Variants in PON3 observed in about 807,000 individuals in gnomAD.
PON3 encodes serum paraoxonase/lactonase 3.
PON3 carries 37 observed loss-of-function variants against 36.3 expected under a neutral mutation model. The ratio of observed to expected loss-of-function variants is 1.02; its 90% CI spans 0.78 to 1.34. The LOEUF (loss-of-function observed/expected upper bound fraction) is 1.34, where lower values mean the gene tolerates loss of function less well. Ranked by LOEUF, PON3 falls within the 40% of genes most tolerant of loss-of-function variation. PON3 has a pLI of 0.00. For synonymous variants in PON3, 155 were observed against 154.8 expected (o/e 1.00, Z -0.01); for missense variants, 415 against 426.5 (o/e 0.97, Z 0.24).
chr7:95,360,860 AT>A (rs1271530405), intron 8 of PON3, among the ~76,000 whole-genome samples: 2 of 152,004 alleles, frequency 1.3e-5, no homozygotes, highest in Non-Finnish European at 2.9e-5. Flanking sequence ...TCTTTTTTTT[AT>A]CTTAAGGGAG....
chr7:95,382,270 A>G (rs1185051167), intron 3 of PON3, among the ~76,000 whole-genome samples: 1 of 152,240 alleles, frequency 6.6e-6, no homozygotes, highest in South Asian at 2.1e-4. Flanking sequence ...AAAATCGACA[A>G]CCTAACATCA....
chr7:95,373,308 G>A lies in PON3; in HGVS notation c.202-970C>T, dbSNP rs60045377. ...ACATACACTTATGATACTATTACTGGCTCTTCCACTGCTCCCTCTTGAGGT... is the reference window on the plus strand; with the variant it reads ...ACATACACTTATGATACTATTACTGACTCTTCCACTGCTCCCTCTTGAGGT... On this transcript the variant is annotated intron_variant, in intron 3 of 8. Coordinates refer to ENST00000265627, the MANE Select transcript of PON3 (RefSeq NM_000940.3). Among the ~76,000 whole-genome samples the A allele has an allele frequency of 5.9e-3, 900 of 151,962 alleles. 5 individuals carry two copies. The highest frequency in any genetic ancestry group is 0.02 in the African/African-American group (841 of 41,416).
intron 3 of PON3, among the ~76,000 whole-genome samples, chr7:95,376,649 A>G (rs367749876): frequency 4.9e-4 from 75 of 152,320 alleles, no homozygotes; most frequent in African/African-American, 1.7e-3. Context: ...AAATTAAAAA[A>G]AAAAAAGAAA....
At chr7:95,370,866 T>A (rs17883078) in intron 4 of PON3, among the ~76,000 whole-genome samples, 1 of 152,378 alleles carries the variant, frequency 6.6e-6, no homozygotes, top group Non-Finnish European at 1.5e-5. Flanking sequence ...GGTTTTAGTA[T>A]ATTCACAGAA....
At chr7:95,386,992 A>G (rs1389297597) in intron 3 of PON3, among the ~76,000 whole-genome samples, 18 of 152,230 alleles carry the variant, frequency 1.2e-4, no homozygotes, top group Admixed American at 1.2e-3. Flanking sequence ...ATCTCAAAAT[A>G]ATAAGAGCTA....
At chr7:95,373,285 A>T (rs1226946798) in intron 3 of PON3, among the ~76,000 whole-genome samples, 1 of 152,076 alleles carries the variant, frequency 6.6e-6, no homozygotes, top group Non-Finnish European at 1.5e-5. Flanking sequence ...ACACGTACAC[A>T]TACACTTATG....
chr7:95,377,663 C>G (rs1808951049), intron 3 of PON3: 1 of 307,962 alleles, frequency 3.2e-6, no homozygotes, highest in African/African-American at 2.3e-5. Flanking sequence ...CAGCAAACTC[C>G]AACAGACCTG....
intron 2 of PON3, among the ~76,000 whole-genome samples, chr7:95,393,268 C>A (rs940922051): frequency 1.3e-5 from 2 of 152,128 alleles, no homozygotes; most frequent in African/African-American, 2.4e-5. Context: ...AGTTTACAAT[C>A]TGATAGTGAA....
At chr7:95,379,572 G>A (rs892964265) in intron 3 of PON3, among the ~76,000 whole-genome samples, 9 of 152,228 alleles carry the variant, frequency 5.9e-5, no homozygotes, top group East Asian at 1.9e-4. Flanking sequence ...TGCCTGGCTC[G>A]GAGGGTTCCA....
chr7:95,385,636 G>A (rs548486058), intron 3 of PON3, among the ~76,000 whole-genome samples: 5 of 152,112 alleles, frequency 3.3e-5, no homozygotes, highest in Admixed American at 6.6e-5. Context: ...GCACCACATC[G>A]CACTTATTCT....
intron 3 of PON3, among the ~76,000 whole-genome samples, chr7:95,376,716 T>C (rs1008181424): frequency 6.6e-6 from 1 of 152,088 alleles, no homozygotes; most frequent in African/African-American, 2.4e-5. Flanking sequence ...TTCCTAGTTA[T>C]AGAATCATCA....
intron 3 of PON3, among the ~76,000 whole-genome samples, chr7:95,386,134 A>G (rs540856311): frequency 6.6e-6 from 1 of 152,318 alleles, no homozygotes; most frequent in East Asian, 1.9e-4. Context: ...CTAAGATCAG[A>G]GCAGAACTGA....
At chr7:95,370,432 T>C (rs1309139000) in intron 4 of PON3, among the ~76,000 whole-genome samples, 4 of 151,510 alleles carry the variant, frequency 2.6e-5, no homozygotes, top group Non-Finnish European at 5.9e-5. Flanking sequence ...AGAGGAAGTG[T>C]CAAGGTTGGG....
intron 8 of PON3, among the ~76,000 whole-genome samples, chr7:95,360,633 T>C (rs73432772): frequency 0.028 from 4,253 of 152,274 alleles, 115 homozygotes; most frequent in African/African-American, 0.068. Context: ...GGAATTTCAT[T>C]TGACACATCA....
In PON3 at chr7:95,372,213, T is replaced by A. The variant is rs747652759; in HGVS notation, c.327A>T (p.Glu109Asp). ...ALEISGGFDK[E>D]LFNPHGISIF... ...TACTGATCCCATGTGGATTAAATAA[T>A]TCTTTGTCAAATCCACCACTGATTT... Residue 109 changes from glutamate (E) to aspartate (D), a missense_variant, in exon 4 of 9, where the codon GAA (glutamate) becomes GAT (aspartate). By Grantham distance (45) the Glu-to-Asp change is conservative. Coordinates refer to ENST00000265627, the MANE Select transcript of PON3 (RefSeq NM_000940.3). 1.2e-6 allele frequency: 2 copies of A among 1,613,832 alleles called. No individual in the cohort carries two copies. Among genetic ancestry groups the A allele is most frequent in the East Asian group, 2.2e-5 (1 of 44,858 alleles).
At chr7:95,381,820 C>T (rs1223004723) in intron 3 of PON3, among the ~76,000 whole-genome samples, 1 of 152,110 alleles carries the variant, frequency 6.6e-6, no homozygotes, top group Non-Finnish European at 1.5e-5. Flanking sequence ...AAAGGATATC[C>T]AGGAATTGAA....
chr7:95,394,692 C>G lies in PON3; in HGVS notation c.97G>C (p.Glu33Gln). ...TTTTCAGGTTCTACTGGCTCCACTT[C>G]TCGAGAGGCATTCACCCTTTCTCTG... ...AFRERVNASR[E>Q]VEPVEPENCH... is the part of the protein sequence containing the mutation. The change falls in exon 2 of 9, where the codon GAA becomes CAA. Residue 33 changes from glutamate (E) to glutamine (Q), a missense_variant. Glu to Gln is a conservative substitution (Grantham distance 29). Coordinates refer to ENST00000265627, the MANE Select transcript of PON3 (RefSeq NM_000940.3). The G allele has an allele frequency of 6.2e-7, 1 of 1,614,132 alleles. No individual in the cohort carries two copies. Among genetic ancestry groups the G allele is most frequent in the Non-Finnish European group, 8.5e-7 (1 of 1,180,010 alleles).
intron 8 of PON3, among the ~76,000 whole-genome samples, chr7:95,360,825 T>C (rs1808550619): frequency 6.6e-6 from 1 of 152,180 alleles, no homozygotes; most frequent in South Asian, 2.1e-4. Flanking sequence ...TCTATATTGA[T>C]ATCTCTTATT....
chr7:95,381,018 A>G (rs1809040309), intron 3 of PON3, among the ~76,000 whole-genome samples: 1 of 152,248 alleles, frequency 6.6e-6, no homozygotes, highest in Non-Finnish European at 1.5e-5. Context: ...CAGAAACTCT[A>G]CAAGCCAGAA....
Sources: gnomAD v4.1 joint callset for allele counts (sites outside exome capture counted in the v4.1 genomes callset) on GRCh38, gnomAD v4.1.1 for gene constraint, MANE v1.5 for transcripts, NCBI Gene and HGNC (gene_info 2026-07-23, HGNC 2026-07-21) for gene names.